Variants in GOLM2 observed in about 807,000 individuals in gnomAD.
GOLM2 encodes the protein golgi membrane protein 2.
A neutral mutation model predicts 55.9 loss-of-function variants in GOLM2; 26 were observed. The observed-to-expected ratio is 0.47, with a 90% CI of 0.34 to 0.65. The LOEUF (loss-of-function observed/expected upper bound fraction) is 0.65. GOLM2 is among the 30% of genes least tolerant of loss of function. The pLI, the probability that GOLM2 is intolerant of heterozygous loss-of-function variation, is 0.01. For synonymous variants in GOLM2, 165 were observed against 194.6 expected (o/e 0.85, Z 1.27); for missense variants, 486 against 531.8 (o/e 0.91, Z 0.85).
intron 8 of GOLM2, among the ~76,000 whole-genome samples, chr15:44,400,145 C>T (rs1015693462): frequency 6.6e-6 from 1 of 152,002 alleles, no homozygotes; most frequent in East Asian, 1.9e-4. Flanking sequence ...TACCTATTCT[C>T]TTGTATGTTT....
chr15:44,332,224 T>C (rs1221470866), intron 4 of GOLM2, 146 bp downstream of exon 4: 3 of 543,406 alleles, frequency 5.5e-6, no homozygotes, highest in South Asian at 5.0e-5. Flanking sequence ...AATGGCTTTA[T>C]TTCTGAGTAA....
chr15:44,319,262 G>A (rs2078933241), intron 1 of GOLM2, among the ~76,000 whole-genome samples: 1 of 152,164 alleles, frequency 6.6e-6, no homozygotes, highest in African/African-American at 2.4e-5. Context: ...TGCCCAGACT[G>A]AAGTGCAGTG....
At position 44,414,894 on chromosome 15, in the gene GOLM2, G is replaced by A. The variant is rs1020158734; in HGVS notation, c.*1488G>A. 2 of 152,480 alleles carry A rather than the reference G, an allele frequency of 1.3e-5. No homozygotes were observed. Among genetic ancestry groups the A allele is most frequent in the African/African-American group, 4.8e-5 (2 of 41,418 alleles). 9.4% of individuals were successfully genotyped at this position (152,480 alleles called of 1,614,324 possible). A position where few individuals can be genotyped will look rare whatever the true frequency, so the allele number is the denominator to read the frequency against. On this transcript the variant is annotated 3_prime_UTR_variant, in exon 10 of 10. Transcript: ENST00000299957. ...GGAATGTGTAAGCTAGCTAATTCTT[G>A]TTTTCTGATTTAAAGCACTTTTAAA...
chr15:44,310,472 A>G (rs559125972), intron 1 of GOLM2, among the ~76,000 whole-genome samples: 28 of 119,670 alleles, frequency 2.3e-4, no homozygotes, highest in South Asian at 4.9e-4. Context: ...ATATATATGT[A>G]TATATATATA....
At chr15:44,411,013 CTT>C (rs201998296) in intron 9 of GOLM2, among the ~76,000 whole-genome samples, 15 of 81,328 alleles carry the variant, frequency 1.8e-4, no homozygotes, top group South Asian at 4.5e-4. Context: ...GTTTGTTTGA[CTT>C]TTTTTTTTTT....
At chr15:44,345,644 C>T (rs746671911) in intron 6 of GOLM2, among the ~76,000 whole-genome samples, 23 of 152,024 alleles carry the variant, frequency 1.5e-4, no homozygotes, top group African/African-American at 5.3e-4. Context: ...AGAGGAAAAT[C>T]GTATTTCTTT....
In GOLM2 at chr15:44,288,830, C is replaced by T. The variant is rs1000383845; in HGVS notation, c.-200C>T. ...TCAAAGCCTCCGGAACGCGTTTTGG[C>T]CTGATTTGAGGAGGGGGGCGGGGAG... On this transcript the variant is annotated 5_prime_UTR_variant, in exon 1 of 10. Coordinates refer to ENST00000299957, the MANE Select transcript of GOLM2 (RefSeq NM_138423.4). 5 of 585,966 alleles carry T rather than the reference C, an allele frequency of 8.5e-6. No homozygotes were observed. In the African/African-American group the frequency reaches 9.6e-5, roughly 11 times the overall value. 36.3% of individuals were successfully genotyped at this position (585,966 alleles called of 1,614,324 possible).
chr15:44,378,238 A>G (rs1044497430), intron 6 of GOLM2, among the ~76,000 whole-genome samples: 28 of 150,878 alleles, frequency 1.9e-4, no homozygotes, highest in African/African-American at 6.8e-4. Flanking sequence ...TGTATTTTTA[A>G]TAGAGACGGG....
intron 6 of GOLM2, among the ~76,000 whole-genome samples, chr15:44,348,344 A>G (rs1218272688): frequency 1.3e-5 from 2 of 151,438 alleles, no homozygotes; most frequent in African/African-American, 2.4e-5. Flanking sequence ...CCCAGGCCTG[A>G]GTGTTCACAA....
chr15:44,398,627 T>TAAAC (rs1298352657), intron 8 of GOLM2, among the ~76,000 whole-genome samples: 2 of 151,604 alleles, frequency 1.3e-5, no homozygotes, highest in Non-Finnish European at 2.9e-5. Context: ...TCATTGGATT[T>TAAAC]AAACAATGAA....
At chr15:44,301,918 A>C (rs1048830703) in intron 1 of GOLM2, among the ~76,000 whole-genome samples, 1 of 151,680 alleles carries the variant, frequency 6.6e-6, no homozygotes, top group Non-Finnish European at 1.5e-5. Context: ...CTCTCAAAAA[A>C]AAAAAAAAAC....
rs139339228 is a variant in GOLM2, at chr15:44,369,515, A to T, written c.803-10175A>T. Among the ~76,000 whole-genome samples, 542 of 152,022 alleles carry T rather than the reference A, an allele frequency of 3.6e-3. 5 individuals carry two copies. The highest frequency in any genetic ancestry group is 0.012 in the African/African-American group (484 of 41,446). ...ACTTGGTCTGTTTTGTTCACTGCTG[A>T]ATCTCCAGCTGTTTAAAACAGTTCT... On this transcript the variant is annotated intron_variant, in intron 6 of 9. Transcript: ENST00000299957.
At chr15:44,310,330 A>G (rs980172001) in intron 1 of GOLM2, among the ~76,000 whole-genome samples, 2 of 151,944 alleles carry the variant, frequency 1.3e-5, no homozygotes, top group South Asian at 2.1e-4. Context: ...AAGGGTACTC[A>G]CAAGAGAACC....
intron 2 of GOLM2, among the ~76,000 whole-genome samples, chr15:44,326,263 CAAAAA>C (rs569803247): frequency 3.3e-5 from 2 of 59,762 alleles, no homozygotes. Context: ...GACTCTGTCT[CAAAAA>C]AAAAAAAAAA....
intron 7 of GOLM2, 81 bp downstream of exon 7, chr15:44,379,869 C>T: frequency 1.3e-6 from 1 of 749,898 alleles, no homozygotes; most frequent in Non-Finnish European, 2.2e-6. Context: ...AAATATATCA[C>T]TTAGCAGTAT....
chr15:44,345,335 C>T (rs1456594757), intron 6 of GOLM2, among the ~76,000 whole-genome samples: 11 of 151,016 alleles, frequency 7.3e-5, no homozygotes, highest in Non-Finnish European at 1.2e-4. Context: ...TGCAGTGGCA[C>T]GATCTCGGCT....
chr15:44,333,534 C>T (rs1007209643), intron 4 of GOLM2, among the ~76,000 whole-genome samples: 5 of 152,086 alleles, frequency 3.3e-5, no homozygotes, highest in East Asian at 1.9e-4. Context: ...GATTGGTGGA[C>T]GAAGGCAGGC....
intron 8 of GOLM2, among the ~76,000 whole-genome samples, chr15:44,397,389 G>T (rs1328218435): frequency 6.9e-6 from 1 of 145,540 alleles, no homozygotes; most frequent in Non-Finnish European, 1.5e-5. Context: ...TGAGGCAGGA[G>T]AATGGCATGA....
At chr15:44,334,753 T>TG (rs1230525687) in intron 4 of GOLM2, among the ~76,000 whole-genome samples, 5 of 152,014 alleles carry the variant, frequency 3.3e-5, no homozygotes, top group Non-Finnish European at 7.4e-5. Flanking sequence ...GTGTAGTAGC[T>TG]GGGGGCGGTG....
Sources: allele counts gnomAD v4.1 joint callset (sites outside exome capture counted in the v4.1 genomes callset), GRCh38; gene constraint gnomAD v4.1.1; transcripts MANE v1.5; gene names NCBI Gene and HGNC (gene_info 2026-07-23, HGNC 2026-07-21).